ALMS1: variants seen among roughly 807,000 people sequenced by gnomAD.
ALMS1 encodes centrosome-associated protein ALMS1.
A neutral mutation model predicts 352.2 loss-of-function variants in ALMS1; 271 were observed. The ratio of observed to expected loss-of-function variants is 0.77; its 90% CI spans 0.70 to 0.85. The LOEUF (loss-of-function observed/expected upper bound fraction) is 0.85, where lower values mean the gene tolerates loss of function less well. Ranked by LOEUF, ALMS1 falls within the 40% of genes least tolerant of loss-of-function variation. The pLI is 0.00. For missense variants in ALMS1, 5,445 were observed against 4,870.7 expected (o/e 1.12, Z -3.51); for synonymous variants, 1,865 against 1,761.2 (o/e 1.06, Z -1.48).
chr2:73,540,585 G>C (rs941222687), intron 12 of ALMS1, among the ~76,000 whole-genome samples: 1 of 152,142 alleles, frequency 6.6e-6, no homozygotes, highest in African/African-American at 2.4e-5. Context: ...TGGCAAATTG[G>C]ATAAAGAGTC....
chr2:73,446,127 A>T (rs1671807487), intron 7 of ALMS1, among the ~76,000 whole-genome samples: 1 of 152,186 alleles, frequency 6.6e-6, no homozygotes, highest in African/African-American at 2.4e-5. Context: ...CGCTTTTAAC[A>T]GCTTAACCTA....
chr2:73,465,479 A>G (rs1672314574), intron 9 of ALMS1, among the ~76,000 whole-genome samples: 1 of 152,220 alleles, frequency 6.6e-6, no homozygotes, highest in African/African-American at 2.4e-5. Flanking sequence ...CCGTATACAA[A>G]AATTAATTCA....
intron 9 of ALMS1, among the ~76,000 whole-genome samples, chr2:73,474,363 TG>T (rs1265173660): frequency 1.5e-5 from 2 of 135,898 alleles, no homozygotes; most frequent in Non-Finnish European, 1.6e-5. Flanking sequence ...TTTTAGTGCT[TG>T]TTGACTCTGT....
chr2:73,509,227 T>G (rs1673400418), intron 10 of ALMS1, among the ~76,000 whole-genome samples: 1 of 152,208 alleles, frequency 6.6e-6, no homozygotes, highest in Non-Finnish European at 1.5e-5. Context: ...GCATTTTAAT[T>G]GGGGCATTTA....
At chr2:73,562,141 T>TTGTATGTATGTA (rs3076386) in intron 15 of ALMS1, among the ~76,000 whole-genome samples, 11 of 151,216 alleles carry the variant, frequency 7.3e-5, no homozygotes, top group Non-Finnish European at 1.2e-4. Context: ...GAACTTACAA[T>TTGTATGTATGTA]TGTATGTATG....
At position 73,424,860 on chromosome 2, in the gene ALMS1, A is replaced by G; in HGVS notation, c.1195A>G (p.Thr399Ala). The G allele has an allele frequency of 1.2e-6, 2 of 1,605,952 alleles. No homozygotes were observed. The highest frequency in any genetic ancestry group is 1.7e-6 in the Non-Finnish European group (2 of 1,175,334). The change falls in exon 5 of 23, where the codon ACA becomes GCA. Residue 399 changes from threonine to alanine, a missense_variant. Thr to Ala is a moderately conservative substitution (Grantham distance 58, BLOSUM62 0). Transcript: ENST00000613296. ...TGCTCGTTCATATGGGCAGTATTGG[A>G]CACAGGAAGATTCATCTAAGCAGGC... Reference protein sequence around the residue: ...DAARSYGQYWTQEDSSKQAET... With the variant: ...DAARSYGQYWAQEDSSKQAET...
chr2:73,575,197 G>T (rs1354533388), intron 16 of ALMS1, among the ~76,000 whole-genome samples: 2 of 152,078 alleles, frequency 1.3e-5, no homozygotes, highest in Non-Finnish European at 1.5e-5. Context: ...TCCACTTTTT[G>T]GTTATTGTGA....
intron 9 of ALMS1, chr2:73,458,556 A>G (rs1456123945): frequency 6.6e-6 from 1 of 152,230 alleles, no homozygotes; most frequent in Non-Finnish European, 1.5e-5. Flanking sequence ...ATGGTGGGAT[A>G]AGAGCCAGGG....
intron 9 of ALMS1, among the ~76,000 whole-genome samples, chr2:73,455,973 A>C (rs1170216260): frequency 1.3e-5 from 2 of 152,188 alleles, no homozygotes; most frequent in Non-Finnish European, 2.9e-5. Context: ...CTTATGTATA[A>C]ATGGCTTTCA....
chr2:73,389,846 C>T lies in ALMS1; in HGVS notation c.324+3654C>T, dbSNP rs373445936. On this transcript the variant is annotated intron_variant, in intron 1 of 22. Coordinates refer to ENST00000613296, the MANE Select transcript of ALMS1 (RefSeq NM_001378454.1). Reference sequence around the variant, plus strand: ...CTGGGATTACAGGTATCCACCACCACGCCTGGCTAATTTTTGTAGTTTTAG... The same window carrying T: ...CTGGGATTACAGGTATCCACCACCATGCCTGGCTAATTTTTGTAGTTTTAG... 1.8e-4 allele frequency among the ~76,000 whole-genome samples: 27 copies of T among 152,098 alleles called. No homozygotes were observed. The South Asian group carries it at 4.2e-3, about 23-fold the overall frequency.
intron 15 of ALMS1, among the ~76,000 whole-genome samples, chr2:73,570,251 A>G (rs567860128): frequency 5.1e-4 from 78 of 152,232 alleles, no homozygotes; most frequent in Non-Finnish European, 9.4e-4. Context: ...CCAAGTGGAT[A>G]TATCATGTAT....
intron 1 of ALMS1, among the ~76,000 whole-genome samples, chr2:73,399,076 C>T (rs138505214): frequency 0.019 from 2,936 of 152,262 alleles, 112 homozygotes; most frequent in African/African-American, 0.065. Flanking sequence ...TGGTCTCAAA[C>T]TCCTGACCTT....
intron 11 of ALMS1, among the ~76,000 whole-genome samples, chr2:73,522,570 A>G (rs1673704286): frequency 6.7e-6 from 1 of 150,076 alleles, no homozygotes; most frequent in South Asian, 2.1e-4. Context: ...TCCGGGTTCA[A>G]GGATTCTCCT....
intron 11 of ALMS1, among the ~76,000 whole-genome samples, chr2:73,525,624 A>G (rs1413504863): frequency 2.0e-5 from 3 of 151,944 alleles, no homozygotes; most frequent in Non-Finnish European, 2.9e-5. Flanking sequence ...AAATTGGATT[A>G]TTAGATTTTT....
At chr2:73,439,800 A>G (rs944799017) in intron 7 of ALMS1, among the ~76,000 whole-genome samples, 4 of 152,012 alleles carry the variant, frequency 2.6e-5, no homozygotes, top group Admixed American at 2.6e-4. Flanking sequence ...TGGCCTCCCA[A>G]AGTGCTGGGA....
chr2:73,602,247 G>A lies in ALMS1; in HGVS notation c.12177G>A (p.Leu4059=). ...ISRSGERIKR[L]KLIVQERKLQ... ...GCTCTGGGGAGCGGATAAAGCGCCT[G>A]AAGTTAATAGTCCAGGAGAGGAAGC... The change falls in exon 20 of 23, where the codon CTG becomes CTA. Residue 4059 remains leucine, a synonymous_variant. Coordinates refer to ENST00000613296, the MANE Select transcript of ALMS1 (RefSeq NM_001378454.1). 4 of 1,614,188 alleles carry A rather than the reference G, an allele frequency of 2.5e-6. No homozygotes were observed. The highest frequency in any genetic ancestry group is 1.6e-4 in the Middle Eastern group (1 of 6,062).
At chr2:73,470,335 T>G (rs1376954491) in intron 9 of ALMS1, 1 of 151,796 alleles carries the variant, frequency 6.6e-6, no homozygotes, top group Non-Finnish European at 1.5e-5. Context: ...ATTAGAAACT[T>G]CCCTCTTAGT....
intron 7 of ALMS1, among the ~76,000 whole-genome samples, chr2:73,435,797 T>C (rs1671594591): frequency 6.6e-6 from 1 of 152,094 alleles, no homozygotes; most frequent in Non-Finnish European, 1.5e-5. Flanking sequence ...GGGATCTCAC[T>C]ATGTTATTAG....
Position 73,602,295 on chromosome 2 carries a change from G to A in ALMS1, c.12225G>A (p.Glu4075=). Residue 4075 remains glutamate, a synonymous_variant, in exon 20 of 23, where the codon GAG becomes GAA. Coordinates refer to ENST00000613296, the MANE Select transcript of ALMS1 (RefSeq NM_001378454.1). The part of the protein sequence containing the change: ...ERKLQSMLQT[E]RDALFNIDRE... ...AGCTGCAGAGCATGTTACAGACCGA[G>A]CGGGATGCACTATTCAACATTGACA... 1 of 1,614,202 alleles carries A rather than the reference G, an allele frequency of 6.2e-7. No individual in the cohort carries two copies. The highest frequency in any genetic ancestry group is 8.5e-7 in the Non-Finnish European group (1 of 1,180,028).
Sources: allele counts gnomAD v4.1 joint callset (sites outside exome capture counted in the v4.1 genomes callset), GRCh38; gene constraint gnomAD v4.1.1; transcripts MANE v1.5; gene names NCBI Gene and HGNC (gene_info 2026-07-23, HGNC 2026-07-21).